Variants in TXNDC16 observed in about 807,000 individuals in gnomAD.
TXNDC16 encodes thioredoxin domain containing 16.
TXNDC16 carries 74 observed loss-of-function variants against 85.6 expected under a neutral mutation model. The observed-to-expected ratio is 0.86, with a 90% confidence interval of 0.72 to 1.05. The LOEUF is 1.05. TXNDC16 is among the 50% of genes least tolerant of loss of function. The pLI is 0.00. For missense variants in TXNDC16, 959 were observed against 947.0 expected, an observed-to-expected ratio of 1.01 and a Z score of -0.17; for synonymous variants, 335 against 326.5, an observed-to-expected ratio of 1.03 and a Z score of -0.28.
chr14:52,514,215 G>C (rs1180882364), intron 8 of TXNDC16, among the ~76,000 whole-genome samples: 1 of 152,090 alleles, frequency 6.6e-6, no homozygotes, highest in East Asian at 1.9e-4. Flanking sequence ...TTAAACTTTT[G>C]TGTGTGGCAT....
At position 52,543,472 on chromosome 14, in the gene TXNDC16, G is replaced by A; in HGVS notation, c.86C>T (p.Pro29Leu). ...AAAATATTTCTGAGGACTCAGTTCT[G>A]GTAAAGAGTTTACTGTTGGCATGTA... ...IFYMPTVNSLPELSPQKYFST... is the reference protein window; with the variant it reads ...IFYMPTVNSLLELSPQKYFST... Residue 29 changes from proline to leucine, a missense_variant, in exon 3 of 21, where the codon CCA (proline) becomes CTA (leucine). By Grantham distance (98) the Pro-to-Leu change is moderately conservative. Coordinates refer to ENST00000281741, the MANE Select transcript of TXNDC16 (RefSeq NM_020784.3). 1.2e-6 allele frequency: 2 copies of A among 1,613,488 alleles called. No individual in the cohort carries two copies. The highest frequency in any genetic ancestry group is 1.7e-6 in the Non-Finnish European group (2 of 1,179,664).
chr14:52,443,869 T>C (rs952716477), intron 18 of TXNDC16, among the ~76,000 whole-genome samples: 3 of 152,172 alleles, frequency 2.0e-5, no homozygotes, highest in Non-Finnish European at 4.4e-5. Flanking sequence ...AAGAGATTTG[T>C]GAGTTTAGAA....
rs556534726 is a variant in TXNDC16 at position 52,457,229 on chromosome 14, T to C, written c.1619-55A>G. The C allele has an allele frequency of 2.5e-5, 25 of 985,204 alleles. No individual in the cohort carries two copies. The African/African-American group carries it at 3.9e-4, about 15-fold the overall frequency. 61.0% of individuals were successfully genotyped at this position (985,204 alleles called of 1,614,324 possible). On this transcript the variant is annotated intron_variant, in intron 16 of 20. Transcript: ENST00000281741. The stretch of plus-strand genomic sequence containing the variant: ...GAAACCTTTATAATTATGTATGCTA[T>C]TCAACTGATGAAGAGATTTATAGGT...
rs28759013 is a variant in TXNDC16, at chr14:52,519,279, C to T, written c.407G>A (p.Ser136Asn). Reference sequence around the variant, plus strand: ...CAGGTTGGTAATATATTTCACTTCACTAAAAAGAAGAGCACTGAAATAAAT... The same window carrying T: ...CAGGTTGGTAATATATTTCACTTCATTAAAAAGAAGAGCACTGAAATAAAT... ...VAHVLFALLF[S>N]EVKYITNLED... Residue 136 changes from serine to asparagine, a missense_variant, in exon 7 of 21, where the codon AGT becomes AAT. Physicochemically the swap from Ser to Asn is conservative, Grantham distance 46. Transcript: ENST00000281741. 6.4e-3 allele frequency: 10,181 copies of T among 1,595,622 alleles called. 529 individuals carry two copies. The African/African-American group carries it at 0.12, about 19-fold the overall frequency.
At chr14:52,448,301 A>C (rs1425856455) in intron 18 of TXNDC16, among the ~76,000 whole-genome samples, 2 of 152,122 alleles carry the variant, frequency 1.3e-5, no homozygotes. Context: ...AAGAGAAAAG[A>C]AATACAACAC....
chr14:52,468,497 T>C (rs2035828142), intron 16 of TXNDC16, among the ~76,000 whole-genome samples: 1 of 151,842 alleles, frequency 6.6e-6, no homozygotes, highest in Non-Finnish European at 1.5e-5. Context: ...TGAGGGAAAA[T>C]AACTGAAACA....
intron 9 of TXNDC16, among the ~76,000 whole-genome samples, chr14:52,502,479 A>T (rs989304420): frequency 6.6e-6 from 1 of 152,248 alleles, no homozygotes; most frequent in African/African-American, 2.4e-5. Flanking sequence ...AATATAAATG[A>T]TGCCCTTAAT....
chr14:52,434,532 A>G (rs1365883631), intron 20 of TXNDC16, among the ~76,000 whole-genome samples: 1 of 152,242 alleles, frequency 6.6e-6, no homozygotes, highest in Admixed American at 6.5e-5. Context: ...AAGCATACAA[A>G]TATCAGGGAA....
chr14:52,490,293 T>C (rs1284935091), intron 11 of TXNDC16, 98 bp downstream of exon 11: 1 of 813,068 alleles, frequency 1.2e-6, no homozygotes. Context: ...CAATTTATAA[T>C]TTACAGATTT....
intron 12 of TXNDC16, among the ~76,000 whole-genome samples, chr14:52,487,592 C>A (rs1284161085): frequency 6.6e-6 from 1 of 152,162 alleles, no homozygotes; most frequent in Non-Finnish European, 1.5e-5. Context: ...TATTGCCCAA[C>A]TGTTACACTT....
At position 52,430,611 on chromosome 14, in the gene TXNDC16, A is replaced by C. The variant is rs2140093787; in HGVS notation, c.*1693T>G. On this transcript the variant is annotated 3_prime_UTR_variant, in exon 21 of 21. Coordinates refer to ENST00000281741, the MANE Select transcript of TXNDC16 (RefSeq NM_020784.3). Reference sequence around the variant, plus strand: ...CTTGTGAAGGTATTCTGAAACCCAGACACTTTATTTAAAATTATGACAAAC... The same window carrying C: ...CTTGTGAAGGTATTCTGAAACCCAGCCACTTTATTTAAAATTATGACAAAC... The C allele has an allele frequency of 6.6e-6, 1 of 152,368 alleles. No homozygotes were observed. The highest frequency in any genetic ancestry group is 1.5e-5 in the Non-Finnish European group (1 of 68,034). The allele number at this position is 152,368 out of a possible 1,614,324, so 9.4% of individuals were successfully genotyped here.
intron 12 of TXNDC16, among the ~76,000 whole-genome samples, chr14:52,483,300 T>C (rs1415897710): frequency 2.6e-5 from 4 of 152,144 alleles, no homozygotes; most frequent in African/African-American, 9.7e-5. Context: ...AAAACAGACA[T>C]AGTCCTGACC....
intron 14 of TXNDC16, among the ~76,000 whole-genome samples, chr14:52,478,653 G>C (rs2036073191): frequency 6.6e-6 from 1 of 151,948 alleles, no homozygotes; most frequent in Admixed American, 6.6e-5. Flanking sequence ...ATATCAACCA[G>C]TGAGATTGAA....
In TXNDC16 at chr14:52,528,873, T is replaced by TTATA. The variant is rs199929019; in HGVS notation, c.392+7842_392+7845dup. Among the ~76,000 whole-genome samples, 7 of 146,738 alleles carry TTATA rather than the reference T, an allele frequency of 4.8e-5. 1 individual carries two copies. The highest frequency in any genetic ancestry group is 4.1e-4 in the Admixed American group (6 of 14,526). On this transcript the variant is annotated intron_variant, in intron 6 of 20. Transcript: ENST00000281741. ...TGTGTGTGTATATATATAATACCTA[T>TTATA]TATATATATTATCTATAATACCTAT...
chr14:52,548,492 T>G (rs1314214158), intron 1 of TXNDC16, among the ~76,000 whole-genome samples: 1 of 152,132 alleles, frequency 6.6e-6, no homozygotes, highest in African/African-American at 2.4e-5. Context: ...GTTTGTCAAT[T>G]CGCCAACAAC....
intron 14 of TXNDC16, among the ~76,000 whole-genome samples, chr14:52,472,478 G>A (rs747886441): frequency 5.9e-5 from 9 of 152,136 alleles, no homozygotes; most frequent in Non-Finnish European, 1.5e-5. Flanking sequence ...TCACAGGCGT[G>A]AGCCACCGCG....
chr14:52,493,471 C>T (rs893798960), intron 9 of TXNDC16, among the ~76,000 whole-genome samples: 1 of 151,936 alleles, frequency 6.6e-6, no homozygotes, highest in Non-Finnish European at 1.5e-5. Flanking sequence ...TGGGAAGACA[C>T]TGGATCCATA....
intron 9 of TXNDC16, among the ~76,000 whole-genome samples, chr14:52,510,715 A>G (rs927827988): frequency 1.8e-4 from 27 of 152,258 alleles, no homozygotes; most frequent in African/African-American, 6.3e-4. Context: ...TGCTCAACAC[A>G]ACCCTTCAAC....
At chr14:52,530,234 TATA>T (rs1238164246) in intron 6 of TXNDC16, among the ~76,000 whole-genome samples, 24 of 69,520 alleles carry the variant, frequency 3.5e-4, no homozygotes, top group African/African-American at 7.0e-4. Flanking sequence ...TAATATTACA[TATA>T]ATAATATATA....
Sources: allele counts gnomAD v4.1 joint callset (sites outside exome capture counted in the v4.1 genomes callset), GRCh38; gene constraint gnomAD v4.1.1; transcripts MANE v1.5; gene names NCBI Gene and HGNC (gene_info 2026-07-23, HGNC 2026-07-21).